SEC24B: variants seen among roughly 807,000 people sequenced by gnomAD.
SEC24B encodes the protein protein transport protein Sec24B.
A neutral mutation model predicts 142.8 loss-of-function variants in SEC24B; 45 were observed. That is an observed-to-expected ratio of 0.32 (90% CI 0.25 to 0.40). The LOEUF (loss-of-function observed/expected upper bound fraction) is 0.40. Ranked by LOEUF, SEC24B falls within the 10% of genes least tolerant of loss-of-function variation. SEC24B has a pLI of 1.00. For missense variants in SEC24B, 1,409 were observed against 1,526.8 expected (o/e 0.92, Z 1.29); for synonymous variants, 574 against 568.2 (o/e 1.01, Z -0.15).
chr4:109,466,040 C>T (rs138434548), intron 2 of SEC24B, among the ~76,000 whole-genome samples: 102 of 152,014 alleles, frequency 6.7e-4, no homozygotes, highest in African/African-American at 2.3e-3. Flanking sequence ...ATATGACAAA[C>T]GTGCTTCATT....
chr4:109,515,662 G>A (rs1013437457), intron 10 of SEC24B, among the ~76,000 whole-genome samples: 20 of 152,008 alleles, frequency 1.3e-4, no homozygotes, highest in African/African-American at 4.3e-4. Context: ...GTTTTCACAC[G>A]TACTCCAAAG....
At chr4:109,482,979 T>TATATATATATATATACAC (rs781527364) in intron 4 of SEC24B, among the ~76,000 whole-genome samples, 2 of 26,416 alleles carry the variant, frequency 7.6e-5, no homozygotes, top group Non-Finnish European at 1.5e-4. Context: ...TATATATATA[T>TATATATATATATATACAC]ACACACACAC....
chr4:109,527,836 A>C (rs1457109567), intron 18 of SEC24B, among the ~76,000 whole-genome samples: 3 of 152,102 alleles, frequency 2.0e-5, no homozygotes, highest in African/African-American at 7.2e-5. Flanking sequence ...TTTAAAAAGC[A>C]TATGTTTTAC....
At chr4:109,520,189 T>G (rs1321656725) in intron 11 of SEC24B, among the ~76,000 whole-genome samples, 177 bp from the exon 12 acceptor site, 1 of 152,216 alleles carries the variant, frequency 6.6e-6, no homozygotes, top group Non-Finnish European at 1.5e-5. Context: ...TGGAAGTAAG[T>G]TTTCACCTTG....
intron 4 of SEC24B, among the ~76,000 whole-genome samples, chr4:109,487,875 A>G (rs1006271254): frequency 1.3e-5 from 2 of 152,222 alleles, no homozygotes; most frequent in African/African-American, 4.8e-5. Flanking sequence ...AAAAATTAAT[A>G]CTTTAAAACT....
chr4:109,507,911 C>G (rs1368962902), intron 7 of SEC24B, among the ~76,000 whole-genome samples: 1 of 152,184 alleles, frequency 6.6e-6, no homozygotes, highest in Non-Finnish European at 1.5e-5. Flanking sequence ...TCCCAAAGTG[C>G]TGGCATTACA....
Position 109,520,426 on chromosome 4 carries a change from C to G in SEC24B, c.2187C>G (p.Phe729Leu), listed in dbSNP as rs770827012. 6.2e-7 allele frequency: 1 copy of G among 1,612,158 alleles called. No homozygotes were observed. The highest frequency in any genetic ancestry group is 1.7e-5 in the Admixed American group (1 of 59,930). The change falls in exon 12 of 24, where the codon TTC becomes TTG. Residue 729 changes from phenylalanine (F) to leucine (L), a missense_variant. Physicochemically the swap from Phe to Leu is conservative, Grantham distance 22. Transcript: ENST00000265175. ...TGACCTTTGATAGCACTATTCATTT[C>G]TACAATTTACAAGAAGGATTATCAC... is the stretch of plus-strand genomic sequence containing the variant. ...GFMTFDSTIH[F>L]YNLQEGLSQP...
chr4:109,439,245 A>G (rs1259623591), intron 1 of SEC24B, among the ~76,000 whole-genome samples: 2 of 152,164 alleles, frequency 1.3e-5, no homozygotes, highest in Non-Finnish European at 2.9e-5. Flanking sequence ...CAGCAGTACT[A>G]TCGGGTCAGT....
chr4:109,444,194 A>G (rs1240930722), intron 1 of SEC24B, among the ~76,000 whole-genome samples: 1 of 150,358 alleles, frequency 6.7e-6, no homozygotes, highest in Non-Finnish European at 1.5e-5. Context: ...CGCCTGGGCA[A>G]CAAGAGCTAA....
intron 3 of SEC24B, among the ~76,000 whole-genome samples, chr4:109,476,861 G>A (rs903267130): frequency 4.6e-5 from 7 of 152,200 alleles, no homozygotes; most frequent in Non-Finnish European, 8.8e-5. Flanking sequence ...GAGTTGGCCG[G>A]GCGCAGTGGC....
intron 3 of SEC24B, among the ~76,000 whole-genome samples, chr4:109,480,711 C>T (rs975629192): frequency 6.6e-5 from 10 of 152,086 alleles, no homozygotes; most frequent in South Asian, 2.1e-4. Flanking sequence ...GATCTCTTAA[C>T]CTTGTGATCC....
At chr4:109,451,757 C>A (rs1047308190) in intron 1 of SEC24B, among the ~76,000 whole-genome samples, 2 of 152,084 alleles carry the variant, frequency 1.3e-5, no homozygotes, top group Non-Finnish European at 2.9e-5. Flanking sequence ...CTCTGAAAGT[C>A]GACAGAGCTA....
chr4:109,469,342 G>A (rs886600294), intron 2 of SEC24B, among the ~76,000 whole-genome samples: 5 of 152,070 alleles, frequency 3.3e-5, no homozygotes, highest in African/African-American at 1.2e-4. Flanking sequence ...CAACAAATAC[G>A]TGAAAGCTAA....
chr4:109,490,944 T>C (rs958043959), intron 4 of SEC24B, among the ~76,000 whole-genome samples: 1 of 152,162 alleles, frequency 6.6e-6, no homozygotes, highest in African/African-American at 2.4e-5. Context: ...AATACCCTAA[T>C]ATTGATAAAA....
At chr4:109,511,170 A>ATG (rs1339880891) in intron 8 of SEC24B, among the ~76,000 whole-genome samples, 1 of 151,838 alleles carries the variant, frequency 6.6e-6, no homozygotes, top group Non-Finnish European at 1.5e-5. Context: ...CTAAATACAG[A>ATG]TATACATGAT....
intron 3 of SEC24B, among the ~76,000 whole-genome samples, chr4:109,475,096 A>T (rs1469074547): frequency 6.6e-6 from 1 of 152,220 alleles, no homozygotes; most frequent in Non-Finnish European, 1.5e-5. Flanking sequence ...ATAAAGCTGA[A>T]TTTTTGTTGT....
Position 109,467,049 on chromosome 4 carries a change from G to A in SEC24B, c.877+3405G>A, listed in dbSNP as rs377208944. On this transcript the variant is annotated intron_variant, in intron 2 of 23. Transcript: ENST00000265175. ...TTTTATTAAAAAGTCCACTCCAGCC[G>A]GGCGCGGTGGCTCACGCCTGTAATC... is the stretch of plus-strand genomic sequence containing the variant. 2.5e-3 allele frequency among the ~76,000 whole-genome samples: 383 copies of A among 151,916 alleles called. 3 individuals carry two copies. The highest frequency in any genetic ancestry group is 8.6e-3 in the African/African-American group (357 of 41,424).
chr4:109,469,949 C>T (rs545451898), intron 2 of SEC24B, among the ~76,000 whole-genome samples: 17 of 152,042 alleles, frequency 1.1e-4, no homozygotes, highest in African/African-American at 4.1e-4. Flanking sequence ...AGACCAACAA[C>T]CAAAAGAAAA....
chr4:109,469,894 A>G (rs1206864478), intron 2 of SEC24B, among the ~76,000 whole-genome samples: 1 of 152,246 alleles, frequency 6.6e-6, no homozygotes, highest in African/African-American at 2.4e-5. Flanking sequence ...TGCTTACAGT[A>G]TTTACCCAGA....
Sources: allele counts gnomAD v4.1 joint callset (sites outside exome capture counted in the v4.1 genomes callset), GRCh38; gene constraint gnomAD v4.1.1; transcripts MANE v1.5; gene names NCBI Gene and HGNC (gene_info 2026-07-23, HGNC 2026-07-21).